The following MGAT5B variants were observed in gnomAD, a reference collection of about 807,000 sequenced individuals.
The protein encoded by MGAT5B is N-acetylglucosaminyl-transferase Vb.
MGAT5B carries 54 observed loss-of-function variants against 95.1 expected under a neutral mutation model. That is an observed-to-expected ratio of 0.57 (90% CI 0.46 to 0.71). The LOEUF (loss-of-function observed/expected upper bound fraction) is 0.71. Among genes scored for constraint, MGAT5B ranks in the 30% least tolerant of loss-of-function variants. MGAT5B has a pLI of 0.00. For missense variants in MGAT5B, 935 were observed against 1,088.6 expected, an observed-to-expected ratio of 0.86 and a Z score of 1.99; for synonymous variants, 464 against 451.0, an observed-to-expected ratio of 1.03 and a Z score of -0.36.
intron 12 of MGAT5B, among the ~76,000 whole-genome samples, chr17:76,935,760 C>A (rs1295789288): frequency 6.9e-6 from 1 of 144,500 alleles, no homozygotes; most frequent in Non-Finnish European, 1.5e-5. Flanking sequence ...ATATTTTCTT[C>A]TAGTCTGTGG....
chr17:76,919,033 C>T lies in MGAT5B; in HGVS notation c.1026-5933C>T, dbSNP rs1293151224. The stretch of plus-strand genomic sequence containing the variant: ...GAGACCGTGGAGATTTGCCTGAGCA[C>T]GTGTCCCACATGTGGAGGCGGACAC... On this transcript the variant is annotated intron_variant, in intron 8 of 17. Coordinates refer to ENST00000569840, the MANE Select transcript of MGAT5B (RefSeq NM_001199172.2). 3.3e-5 allele frequency among the ~76,000 whole-genome samples: 5 copies of T among 152,198 alleles called. No homozygotes were observed. In the East Asian group the frequency reaches 7.7e-4, roughly 23 times the overall value.
chr17:76,940,438 G>A lies in MGAT5B; in HGVS notation c.1621G>A (p.Ala541Thr), dbSNP rs1555600686. The A allele has an allele frequency of 5.0e-6, 8 of 1,612,360 alleles. No individual in the cohort carries two copies. The highest frequency in any genetic ancestry group is 1.1e-5 in the South Asian group (1 of 90,812). ...GTTTGGCTTCCCCTACGAGGGCCCC[G>A]CCCCCCTGGAGGCCATCGCCAATGG... ...IGFGFPYEGP[A>T]PLEAIANGCI... Residue 541 changes from alanine (A) to threonine (T), a missense_variant, in exon 14 of 18, where the codon GCC (alanine) becomes ACC (threonine). Transcript: ENST00000569840. The surrounding 1 kb of genome is among the most constrained non-coding windows in gnomAD (Gnocchi z 4.3).
intron 8 of MGAT5B, among the ~76,000 whole-genome samples, chr17:76,911,539 C>A (rs866254188): frequency 2.0e-5 from 3 of 152,338 alleles, no homozygotes; most frequent in African/African-American, 7.2e-5. Context: ...ACGTGGGAAC[C>A]TGCTGGCCTG....
chr17:76,925,000 C>G lies in MGAT5B; in HGVS notation c.1060C>G (p.Pro354Ala), dbSNP rs764932713. 1 of 1,611,936 alleles carries G rather than the reference C, an allele frequency of 6.2e-7. No homozygotes were observed. Among genetic ancestry groups the G allele is most frequent in the East Asian group, 2.2e-5 (1 of 44,738 alleles). Residue 354 changes from proline to alanine, a missense_variant, in exon 9 of 18, where the codon CCG becomes GCG. Pro to Ala is a conservative substitution (Grantham distance 27, BLOSUM62 -1). Coordinates refer to ENST00000569840, the MANE Select transcript of MGAT5B (RefSeq NM_001199172.2). ...LGVPPGRGSCPLTMPLPFDLI... is the reference protein window; with the variant it reads ...LGVPPGRGSCALTMPLPFDLI... Reference sequence around the variant, plus strand: ...GGTACCGCCAGGCCGGGGAAGCTGCCCGCTCACCATGCCCCTGCCCTTCGA... The same window carrying G: ...GGTACCGCCAGGCCGGGGAAGCTGCGCGCTCACCATGCCCCTGCCCTTCGA...
rs138164770 is a variant in MGAT5B at position 76,904,184 on chromosome 17, G to A, written c.520-68G>A. The A allele has an allele frequency of 4.3e-3, 6,380 of 1,484,060 alleles. 18 individuals are homozygous for A. The highest frequency in any genetic ancestry group is 5.2e-3 in the Non-Finnish European group (5,766 of 1,106,026). 91.9% of individuals were successfully genotyped at this position (1,484,060 alleles called of 1,614,324 possible). A position where few individuals can be genotyped will look rare whatever the true frequency, so the allele number is the denominator to read the frequency against. ...GACCTCAGGACCCCTGGGGGTGCAC[G>A]TGCGGGGGAGTCCCCGAGGGTCAGT... On this transcript the variant is annotated intron_variant, in intron 5 of 17. Transcript: ENST00000569840.
In MGAT5B at chr17:76,870,787, C is replaced by A. The variant is rs906844033; in HGVS notation, c.68+1690C>A. On this transcript the variant is annotated intron_variant, in intron 1 of 17. Coordinates refer to ENST00000569840, the MANE Select transcript of MGAT5B (RefSeq NM_001199172.2). This position sits in a 1 kb window ranked among gnomAD's most constrained non-coding sequence, Gnocchi z 5.0. ...AATCATAGCACCCCAGCTTATTCATCCTCAAAGGCAGGCTGGGGTCCTGTT... is the reference window on the plus strand; with the variant it reads ...AATCATAGCACCCCAGCTTATTCATACTCAAAGGCAGGCTGGGGTCCTGTT... Among the ~76,000 whole-genome samples the A allele has an allele frequency of 1.3e-5, 2 of 152,058 alleles. No individual in the cohort carries two copies. The highest frequency in any genetic ancestry group is 4.8e-5 in the African/African-American group (2 of 41,392).
chr17:76,895,056 T>A (rs2588504), intron 3 of MGAT5B, among the ~76,000 whole-genome samples: 12,479 of 152,080 alleles, frequency 0.082, 1,631 homozygotes, highest in African/African-American at 0.28. Context: ...TGAGGCTTCG[T>A]CCGTATTTAC....
Position 76,902,800 on chromosome 17 carries a change from C to T in MGAT5B, c.445+130C>T, listed in dbSNP as rs377610318. 752 of 745,218 alleles carry T rather than the reference C, an allele frequency of 1.0e-3. 13 individuals are homozygous for T. In the South Asian group the frequency reaches 0.013, roughly 13 times the overall value. 46.2% of individuals were successfully genotyped at this position (745,218 alleles called of 1,614,324 possible). On this transcript the variant is annotated intron_variant, in intron 4 of 17. Coordinates refer to ENST00000569840, the MANE Select transcript of MGAT5B (RefSeq NM_001199172.2). Reference sequence around the variant, plus strand: ...CCTGACAGCAGCTCTGCTGGCTCTTCGGGGCCCCAGTTTAGGCTTTCAGCA... The same window carrying T: ...CCTGACAGCAGCTCTGCTGGCTCTTTGGGGCCCCAGTTTAGGCTTTCAGCA...
At chr17:76,900,963 G>T (rs534104910) in intron 3 of MGAT5B, among the ~76,000 whole-genome samples, 1 of 113,576 alleles carries the variant, frequency 8.8e-6, no homozygotes, top group Non-Finnish European at 1.7e-5. Context: ...GCGTGTGCAC[G>T]CCTGTGTGCA....
At chr17:76,886,512 A>C (rs534912136) in intron 3 of MGAT5B, among the ~76,000 whole-genome samples, 1 of 152,142 alleles carries the variant, frequency 6.6e-6, no homozygotes, top group African/African-American at 2.4e-5. Context: ...ACTCTTTGGG[A>C]GGCTTAGAAT....
Position 76,905,022 on chromosome 17 carries a change from G to T in MGAT5B, c.691-147G>T. 2 of 809,686 alleles carry T rather than the reference G, an allele frequency of 2.5e-6. No individual in the cohort carries two copies. The highest frequency in any genetic ancestry group is 2.6e-5 in the South Asian group (1 of 38,966). 50.2% of individuals were successfully genotyped at this position (809,686 alleles called of 1,614,324 possible). On this transcript the variant is annotated intron_variant, in intron 6 of 17. Coordinates refer to ENST00000569840, the MANE Select transcript of MGAT5B (RefSeq NM_001199172.2). This position sits in a 1 kb window ranked among gnomAD's most constrained non-coding sequence, Gnocchi z 4.2. ...GGGCGGGCAGGGCTCCCTGGTTTTG[G>T]GGGCTAATGAGCCCCTTAGAAAGTG...
chr17:76,902,722 G>C (rs1443588209), intron 4 of MGAT5B, 52 bp downstream of exon 4: 1 of 1,313,174 alleles, frequency 7.6e-7, no homozygotes, highest in South Asian at 1.3e-5. Context: ...CCAATGAACT[G>C]GGTGCTGGGT....
intron 1 of MGAT5B, chr17:76,872,559 T>A: frequency 9.2e-7 from 1 of 1,089,932 alleles, no homozygotes; most frequent in South Asian, 1.7e-5. Context: ...CAGCTGTTAA[T>A]GAACCAGCTC....
chr17:76,884,228 A>G (rs1304301780), intron 3 of MGAT5B, among the ~76,000 whole-genome samples: 1 of 152,158 alleles, frequency 6.6e-6, no homozygotes, highest in Admixed American at 6.5e-5. Flanking sequence ...GGAAGCTTTA[A>G]TCTCCCAGAG....
chr17:76,899,054 T>C (rs1968203220), intron 3 of MGAT5B, among the ~76,000 whole-genome samples: 1 of 152,214 alleles, frequency 6.6e-6, no homozygotes, highest in African/African-American at 2.4e-5. Context: ...GTGACCTGGC[T>C]CTTGCAAGAC....
rs368897974 is a variant in MGAT5B at position 76,948,028 on chromosome 17, G to A, written c.2122G>A (p.Gly708Arg). The change falls in exon 17 of 18, where the codon GGG becomes AGG. Residue 708 changes from glycine (G) to arginine (R), a missense_variant. Coordinates refer to ENST00000569840, the MANE Select transcript of MGAT5B (RefSeq NM_001199172.2). ...CTGCACCGACACCTGCCTGGACCAC[G>A]GGCTAATCTGTGAGCCCTCCTTCTT... ...RACTDTCLDH[G>R]LICEPSFFPF... 5.6e-6 allele frequency: 9 copies of A among 1,612,906 alleles called. No individual in the cohort carries two copies. Among genetic ancestry groups the A allele is most frequent in the Non-Finnish European group, 7.6e-6 (9 of 1,179,550 alleles).
At chr17:76,875,267 A>G (rs548156401) in intron 2 of MGAT5B, among the ~76,000 whole-genome samples, 2 of 152,292 alleles carry the variant, frequency 1.3e-5, no homozygotes, top group East Asian at 3.9e-4. Context: ...CTCTTGTGGG[A>G]TAGACCCTGT....
At chr17:76,939,029 G>GGTGTGTGTGT (rs372571720) in intron 13 of MGAT5B, among the ~76,000 whole-genome samples, 176 of 128,252 alleles carry the variant, frequency 1.4e-3, no homozygotes, top group Admixed American at 2.2e-3. Flanking sequence ...GCATCTTGGG[G>GGTGTGTGTGT]GTGTGTGTGT....
At chr17:76,932,524 T>G (rs1262331391) in intron 10 of MGAT5B, 121 bp from the exon 11 acceptor site, 16 of 1,446,256 alleles carry the variant, frequency 1.1e-5, no homozygotes, top group Non-Finnish European at 6.6e-6. Flanking sequence ...CCGCACCCTG[T>G]GCCCCGCCCC....
Sources: allele counts gnomAD v4.1 joint callset (sites outside exome capture counted in the v4.1 genomes callset), GRCh38; gene constraint gnomAD v4.1.1; non-coding constraint Gnocchi (gnomAD v3.1); transcripts MANE v1.5; gene names NCBI Gene and HGNC (gene_info 2026-07-23, HGNC 2026-07-21).